The following COX7B2 variants were observed in gnomAD, a reference collection of about 807,000 sequenced individuals.
COX7B2 encodes the protein cytochrome c oxidase subunit 7B2, also known as cytochrome c oxidase subunit 7B2, mitochondrial.
For missense variants in COX7B2, 109 were observed against 95.9 expected, an observed-to-expected ratio of 1.14 and a Z score of -0.57; for synonymous variants, 37 against 32.1, an observed-to-expected ratio of 1.15 and a Z score of -0.51.
intron 2 of COX7B2, among the ~76,000 whole-genome samples, chr4:46,804,134 G>C (rs1022739069): frequency 1.3e-5 from 2 of 152,028 alleles, no homozygotes; most frequent in Non-Finnish European, 2.9e-5. Flanking sequence ...TTAAGGCGGC[G>C]CGTCTGGAGT....
At chr4:46,792,209 G>C (rs1036874276) in intron 2 of COX7B2, among the ~76,000 whole-genome samples, 6 of 152,174 alleles carry the variant, frequency 3.9e-5, no homozygotes, top group Admixed American at 3.9e-4. Context: ...AGATGTTATT[G>C]AAAGTACTTC....
At chr4:46,861,955 C>T (rs1243363594) in intron 1 of COX7B2, among the ~76,000 whole-genome samples, 1 of 152,210 alleles carries the variant, frequency 6.6e-6, no homozygotes, top group Non-Finnish European at 1.5e-5. Context: ...CCCCAGCCTA[C>T]ACTCCCTACT....
intron 2 of COX7B2, among the ~76,000 whole-genome samples, chr4:46,751,213 C>T (rs74316887): frequency 4.0e-5 from 6 of 151,830 alleles, no homozygotes; most frequent in African/African-American, 1.2e-4. Flanking sequence ...TCAAATTGTT[C>T]GTGGGGAGAT....
chr4:46,750,512 C>A (rs919007884), intron 2 of COX7B2, among the ~76,000 whole-genome samples: 3 of 140,228 alleles, frequency 2.1e-5, no homozygotes, highest in Non-Finnish European at 1.6e-5. Context: ...ATTAAAGAGT[C>A]CAGATATTTA....
At chr4:46,742,419 C>T (rs543723785) in intron 2 of COX7B2, among the ~76,000 whole-genome samples, 1 of 152,156 alleles carries the variant, frequency 6.6e-6, no homozygotes, top group African/African-American at 2.4e-5. Flanking sequence ...TGATGATGCT[C>T]AAGTAGGGAT....
In COX7B2 at chr4:46,866,443, A is replaced by T. The variant is rs184871615; in HGVS notation, c.-104-21429T>A. On this transcript the variant is annotated intron_variant, in intron 1 of 2. Coordinates refer to ENST00000355591, the MANE Select transcript of COX7B2 (RefSeq NM_130902.3). ...GAGAGCTACCTATTCTTTTAGGAGTAGTTTTCTTTTGTATATCAAAAACTT... is the reference window on the plus strand; with the variant it reads ...GAGAGCTACCTATTCTTTTAGGAGTTGTTTTCTTTTGTATATCAAAAACTT... Among the ~76,000 whole-genome samples the T allele has an allele frequency of 2.6e-5, 4 of 152,306 alleles. No individual in the cohort carries two copies. The East Asian group carries it at 7.7e-4, about 29-fold the overall frequency.
intron 1 of COX7B2, among the ~76,000 whole-genome samples, chr4:46,875,767 AC>A (rs1718280588): frequency 6.6e-6 from 1 of 151,492 alleles, no homozygotes; most frequent in Non-Finnish European, 1.5e-5. Context: ...CTGCTTGGTG[AC>A]TTTCCTAATG....
At chr4:46,792,486 T>C (rs1718102154) in intron 2 of COX7B2, among the ~76,000 whole-genome samples, 1 of 152,132 alleles carries the variant, frequency 6.6e-6, no homozygotes, top group Non-Finnish European at 1.5e-5. Context: ...TAAGTTTGAA[T>C]TCTCTCTTTC....
At chr4:46,904,233 T>C (rs1577719807) in intron 1 of COX7B2, among the ~76,000 whole-genome samples, 1 of 152,020 alleles carries the variant, frequency 6.6e-6, no homozygotes, top group African/African-American at 2.4e-5. Context: ...TTGTACTATA[T>C]TAAAAGAAAA....
rs780386354 is a variant in COX7B2, at chr4:46,735,085, A to T, written c.108T>A (p.Asp36Glu). 6.2e-7 allele frequency: 1 copy of T among 1,614,006 alleles called. No individual in the cohort carries two copies. Among genetic ancestry groups the T allele is most frequent in the Admixed American group, 1.7e-5 (1 of 59,998 alleles). ...TGGCTAGCACAGCATTACCATATTT[A>T]TCATGAAAATCTGGTGAGTGTTTTA... ...SHVKHSPDFH[D>E]KYGNAVLASG... Residue 36 changes from aspartate to glutamate, a missense_variant, in exon 3 of 3, where the codon GAT (aspartate) becomes GAA (glutamate). Coordinates refer to ENST00000355591, the MANE Select transcript of COX7B2 (RefSeq NM_130902.3).
chr4:46,821,480 AGT>A (rs750792546), intron 2 of COX7B2, among the ~76,000 whole-genome samples: 27 of 152,340 alleles, frequency 1.8e-4, no homozygotes, highest in South Asian at 1.0e-3. Context: ...CCTATGCAGC[AGT>A]GTGTTCAGTG....
chr4:46,810,367 T>C (rs1257087200), intron 2 of COX7B2, among the ~76,000 whole-genome samples: 1 of 152,058 alleles, frequency 6.6e-6, no homozygotes, highest in Non-Finnish European at 1.5e-5. Flanking sequence ...TCTCTTGTCA[T>C]CTACCTTTAT....
At chr4:46,804,999 C>T (rs190399545) in intron 2 of COX7B2, among the ~76,000 whole-genome samples, 30 of 152,308 alleles carry the variant, frequency 2.0e-4, no homozygotes, top group Middle Eastern at 3.4e-3. Flanking sequence ...GCAGCTAAGG[C>T]CCGGCAAGAA....
intron 2 of COX7B2, among the ~76,000 whole-genome samples, chr4:46,805,065 G>C (rs1052147068): frequency 3.3e-5 from 5 of 152,156 alleles, no homozygotes; most frequent in African/African-American, 4.8e-5. Flanking sequence ...TGGGGCTGGC[G>C]GGGCTGGCCA....
chr4:46,883,418 A>T lies in COX7B2; in HGVS notation c.-105+25742T>A, dbSNP rs939607890. 5.3e-5 allele frequency among the ~76,000 whole-genome samples: 8 copies of T among 151,984 alleles called. No homozygotes were observed. The East Asian group carries it at 1.4e-3, about 26-fold the overall frequency. On this transcript the variant is annotated intron_variant, in intron 1 of 2. Coordinates refer to ENST00000355591, the MANE Select transcript of COX7B2 (RefSeq NM_130902.3). ...TTTTTGCACTAGTATTTTCTGAAAAATTCTTATTTATCAACTCAGTATTAA... is the reference window on the plus strand; with the variant it reads ...TTTTTGCACTAGTATTTTCTGAAAATTTCTTATTTATCAACTCAGTATTAA...
intron 2 of COX7B2, among the ~76,000 whole-genome samples, chr4:46,813,315 G>A (rs1353856362): frequency 6.6e-6 from 1 of 152,156 alleles, no homozygotes; most frequent in Non-Finnish European, 1.5e-5. Context: ...GTAAACATGG[G>A]AGTGCAAATT....
chr4:46,815,438 T>C (rs1417096554), intron 2 of COX7B2, among the ~76,000 whole-genome samples: 1 of 152,176 alleles, frequency 6.6e-6, no homozygotes, highest in African/African-American at 2.4e-5. Context: ...TTGTTAATTC[T>C]AATAAAACCT....
intron 2 of COX7B2, among the ~76,000 whole-genome samples, chr4:46,841,588 T>A (rs6813531): frequency 0.37 from 56,857 of 151,630 alleles, 10,778 homozygotes; most frequent in South Asian, 0.49. Context: ...CCCAAGCAGG[T>A]CATGACACAA....
rs189990461 is a variant in COX7B2, at chr4:46,869,338, G to T, written c.-104-24324C>A. Among the ~76,000 whole-genome samples, 26 of 152,212 alleles carry T rather than the reference G, an allele frequency of 1.7e-4. No individual in the cohort carries two copies. In the East Asian group the frequency reaches 4.8e-3, roughly 28 times the overall value. On this transcript the variant is annotated intron_variant, in intron 1 of 2. Transcript: ENST00000355591. ...TTTTTTATCCAGCTTGTCACTCTGT[G>T]TCTTTTAAGTGGTGCATTTAGTTCA...
Sources: gnomAD v4.1 joint callset for allele counts (sites outside exome capture counted in the v4.1 genomes callset) on GRCh38, gnomAD v4.1.1 for gene constraint, MANE v1.5 for transcripts, NCBI Gene and HGNC (gene_info 2026-07-23, HGNC 2026-07-21) for gene names.